The following POM121L2 variants were observed in gnomAD, a reference collection of about 807,000 sequenced individuals.
The protein encoded by POM121L2 is POM121-like protein 2.
For missense variants in POM121L2, 1,167 were observed against 1,260.3 expected (o/e 0.93, Z 1.12); for synonymous variants, 459 against 483.8 (o/e 0.95, Z 0.67).
chr6:27,309,565 A>T lies in POM121L2; in HGVS notation c.2606T>A (p.Ile869Asn). The change falls in exon 1 of 1, where the codon ATT becomes AAT. Residue 869 changes from isoleucine to asparagine, a missense_variant. Transcript: ENST00000444565. ...AAAAGCCCCACTTTGGTGGGTCTGA[A>T]TTACAATTCTAAACCCAGTTGTACT... ...QASTTGFRIV[I>N]QTHQSGAFGS... 6.4e-7 allele frequency: 1 copy of T among 1,551,974 alleles called. No homozygotes were observed. Among genetic ancestry groups the T allele is most frequent in the Non-Finnish European group, 8.7e-7 (1 of 1,147,076 alleles).
chr6:27,312,154 C>T lies in POM121L2; in HGVS notation c.17G>A (p.Ser6Asn), dbSNP rs140263614. The T allele has an allele frequency of 5.2e-5, 76 of 1,450,332 alleles. No individual in the cohort carries two copies. In the African/African-American group the frequency reaches 9.6e-4, roughly 18 times the overall value. 89.8% of individuals were successfully genotyped at this position (1,450,332 alleles called of 1,614,324 possible). Residue 6 changes from serine to asparagine, a missense_variant, in exon 1 of 1, where the codon AGC (serine) becomes AAC (asparagine). Physicochemically the swap from Ser to Asn is conservative, Grantham distance 46 (BLOSUM62 1). Transcript: ENST00000444565. The surrounding 1 kb of genome is among the most constrained non-coding windows in gnomAD (Gnocchi z 6.7). ...GGACGAGGGCGAAAGTTCCAGTTTG[C>T]TCAGGAAACTGCCCATGAGGAGAGA... MGSFL[S>N]KLELSPSSPA...
Position 27,311,839 on chromosome 6 carries a change from G to A in POM121L2, c.332C>T (p.Pro111Leu), listed in dbSNP as rs1470806381. The change falls in exon 1 of 1, where the codon CCC (proline) becomes CTC (leucine). Residue 111 changes from proline to leucine, a missense_variant. By Grantham distance (98) the Pro-to-Leu change is moderately conservative. Transcript: ENST00000444565. ...LKRTIWSLRH[P>L]RPIWSPVTIR... ...GGTCACTGGGCTCCAAATTGGCCTG[G>A]GATGTCGAAGAGACCAAATAGTCCG... 22 of 1,551,762 alleles carry A rather than the reference G, an allele frequency of 1.4e-5. 1 individual carries two copies. The South Asian group carries it at 2.5e-4, about 18-fold the overall frequency.
chr6:27,310,823 C>T lies in POM121L2; in HGVS notation c.1348G>A (p.Glu450Lys). The change falls in exon 1 of 1, where the codon GAG (glutamate) becomes AAG (lysine). Residue 450 changes from glutamate (E) to lysine (K), a missense_variant. By Grantham distance (56) the Glu-to-Lys change is moderately conservative (BLOSUM62 1). Transcript: ENST00000444565. ...TCTGGAGAGGTGCCTGGAAGGAGCT[C>T]TGACTGTGAGCACCCAGGTGGGGTC... is the stretch of plus-strand genomic sequence containing the variant. Reference protein sequence around the residue: ...LPTPPGCSQSELLPGTSPDSK... With the variant: ...LPTPPGCSQSKLLPGTSPDSK... 6.4e-7 allele frequency: 1 copy of T among 1,551,668 alleles called. No homozygotes were observed. Among genetic ancestry groups the T allele is most frequent in the Non-Finnish European group, 8.7e-7 (1 of 1,146,962 alleles).
rs61736094 is a variant in POM121L2 at position 27,311,242 on chromosome 6, C to A, written c.929G>T (p.Gly310Val). 1 of 1,551,822 alleles carries A rather than the reference C, an allele frequency of 6.4e-7. No individual in the cohort carries two copies. Among genetic ancestry groups the A allele is most frequent in the East Asian group, 2.4e-5 (1 of 40,920 alleles). Residue 310 changes from glycine to valine, a missense_variant, in exon 1 of 1, where the codon GGA becomes GTA. Transcript: ENST00000444565. The stretch of plus-strand genomic sequence containing the variant: ...GTTTTGCTGCCCAGAACTTTCAGAT[C>A]CTCCTAGGGACTCAAAATCTGATAC... Reference protein sequence around the residue: ...PLVSDFESLGGSESSGQQNQK... With the variant: ...PLVSDFESLGVSESSGQQNQK...
Position 27,311,342 on chromosome 6 carries a change from C to T in POM121L2, c.829G>A (p.Val277Ile). 6.4e-7 allele frequency: 1 copy of T among 1,551,676 alleles called. No homozygotes were observed. Among genetic ancestry groups the T allele is most frequent in the South Asian group, 1.2e-5 (1 of 84,066 alleles). The part of the protein sequence containing the change: ...SDPWKRSVPS[V>I]SFETPEWPIK... Reference sequence around the variant, plus strand: ...GGCCACTCTGGTGTCTCGAATGATACACTGGGAACACTTCTCTTCCAAGGG... The same window carrying T: ...GGCCACTCTGGTGTCTCGAATGATATACTGGGAACACTTCTCTTCCAAGGG... Residue 277 changes from valine (V) to isoleucine (I), a missense_variant, in exon 1 of 1, where the codon GTA becomes ATA. Physicochemically the swap from Val to Ile is conservative, Grantham distance 29 (BLOSUM62 3). Coordinates refer to ENST00000444565, the MANE Select transcript of POM121L2 (RefSeq NM_033482.4).
In POM121L2 at chr6:27,310,466, T is replaced by C. The variant is rs1244053723; in HGVS notation, c.1705A>G (p.Ile569Val). ...AAGGTAGGAGTTAAGGTACCCTGAA[T>C]TGTGGAAAGGGAAGAGATTGAAGAT... ...AASSISSLST[I>V]QGTLTPTFKP... Residue 569 changes from isoleucine (I) to valine (V), a missense_variant, in exon 1 of 1, where the codon ATT (isoleucine) becomes GTT (valine). Transcript: ENST00000444565. 1 of 1,552,214 alleles carries C rather than the reference T, an allele frequency of 6.4e-7. No homozygotes were observed. Among genetic ancestry groups the C allele is most frequent in the Non-Finnish European group, 8.7e-7 (1 of 1,147,102 alleles).
At chr6:27,310,833 G>T in intron 1 of POM121L2, 1 of 1,551,754 alleles carries the variant, frequency 6.4e-7, no homozygotes, top group Non-Finnish European at 8.7e-7. Context: ...CTGACTGTGA[G>T]CACCCAGGTG....
In POM121L2 at chr6:27,309,815, G is replaced by A. The variant is rs1199431400; in HGVS notation, c.2356C>T (p.Pro786Ser). ...CTTGGCATAAGGGCTGGCTGGGAAG[G>A]CCCTTGTTTCTGTCCATTTGTGGCA... ...FGATNGQKQG[P>S]SQPALMPSVS... The change falls in exon 1 of 1, where the codon CCT becomes TCT. Residue 786 changes from proline to serine, a missense_variant. Pro to Ser is a moderately conservative substitution (Grantham distance 74). Coordinates refer to ENST00000444565, the MANE Select transcript of POM121L2 (RefSeq NM_033482.4). 1 of 1,551,774 alleles carries A rather than the reference G, an allele frequency of 6.4e-7. No homozygotes were observed. Among genetic ancestry groups the A allele is most frequent in the South Asian group, 1.2e-5 (1 of 84,060 alleles).
chr6:27,309,309 G>A lies in POM121L2; in HGVS notation c.2862C>T (p.Ser954=), dbSNP rs1020415384. ...EGLPSHRTAF[S]LGRGSISARK... The stretch of plus-strand genomic sequence containing the variant: ...TTGCAGAAATGCTGCCTCTCCCCAA[G>A]GAAAAAGCTGTGCGGTGGCTGGGCA... The change falls in exon 1 of 1, where the codon TCC becomes TCT. Residue 954 remains serine, a synonymous_variant. Coordinates refer to ENST00000444565, the MANE Select transcript of POM121L2 (RefSeq NM_033482.4). The A allele has an allele frequency of 1.9e-5, 29 of 1,551,060 alleles. No individual in the cohort carries two copies. The African/African-American group carries it at 3.3e-4, about 18-fold the overall frequency.
At position 27,310,721 on chromosome 6, in the gene POM121L2, G is replaced by A. The variant is rs1760733595; in HGVS notation, c.1450C>T (p.Pro484Ser). ...GACCTGTCAGCCTGAGAGGTTGAAG[G>A]CGGCCAGGTGGTGTCAGTAACTGGT... The part of the protein sequence containing the change: ...TLPVTDTTWP[P>S]STSQADRSPM... The change falls in exon 1 of 1, where the codon CCT (proline) becomes TCT (serine). Residue 484 changes from proline (P) to serine (S), a missense_variant. Physicochemically the swap from Pro to Ser is moderately conservative, Grantham distance 74. Transcript: ENST00000444565. 6.4e-7 allele frequency: 1 copy of A among 1,551,940 alleles called. No homozygotes were observed. Among genetic ancestry groups the A allele is most frequent in the Non-Finnish European group, 8.7e-7 (1 of 1,147,060 alleles).
chr6:27,312,101 C>A, upstream of POM121L2: 1 of 1,476,912 alleles, frequency 6.8e-7, no homozygotes, highest in Non-Finnish European at 9.0e-7. This position sits in a 1 kb window ranked among gnomAD's most constrained non-coding sequence, Gnocchi z 6.7. Flanking sequence ...GTGGGCCTCT[C>A]GGGCAAGTCG....
Position 27,310,087 on chromosome 6 carries a change from G to A in POM121L2, c.2084C>T (p.Thr695Ile). The A allele has an allele frequency of 6.4e-7, 1 of 1,552,158 alleles. No homozygotes were observed. Among genetic ancestry groups the A allele is most frequent in the Non-Finnish European group, 8.7e-7 (1 of 1,147,090 alleles). The change falls in exon 1 of 1, where the codon ACT becomes ATT. Residue 695 changes from threonine to isoleucine, a missense_variant. Physicochemically the swap from Thr to Ile is moderately conservative, Grantham distance 89 (BLOSUM62 -1). Transcript: ENST00000444565. ...GGTAAACATGGTGACTGTATGCACA[G>A]TAGGAATTGTAGGATGGTGGTGTGG... is the stretch of plus-strand genomic sequence containing the variant. ...FPPHHHPTIP[T>I]VHTVTMFTQV...
rs1239863809 is a variant in POM121L2 at position 27,311,611 on chromosome 6, C to T, written c.560G>A (p.Arg187Lys). 1 of 1,551,630 alleles carries T rather than the reference C, an allele frequency of 6.4e-7. No homozygotes were observed. The highest frequency in any genetic ancestry group is 8.7e-7 in the Non-Finnish European group (1 of 1,147,006). Reference protein sequence around the residue: ...LFPESLDSKRRSPETRPSAFK... With the variant: ...LFPESLDSKRKSPETRPSAFK... ...TGCCGATGGTCTGGTCTCTGGACTC[C>T]TTCTCTTACTGTCCAGACTCTCAGG... Residue 187 changes from arginine to lysine, a missense_variant, in exon 1 of 1, where the codon AGG becomes AAG. Physicochemically the swap from Arg to Lys is conservative, Grantham distance 26. Transcript: ENST00000444565.
Position 27,312,164 on chromosome 6 carries a change from T to C in POM121L2, c.7A>G (p.Ser3Gly). The change falls in exon 1 of 1, where the codon AGT (serine) becomes GGT (glycine). Residue 3 changes from serine to glycine, a missense_variant. Transcript: ENST00000444565. This position sits in a 1 kb window ranked among gnomAD's most constrained non-coding sequence, Gnocchi z 6.7. The part of the protein sequence containing the change: MG[S>G]FLSKLELSPS... ...GAAAGTTCCAGTTTGCTCAGGAAAC[T>C]GCCCATGAGGAGAGATGAGGCGCGG... The C allele has an allele frequency of 6.9e-7, 1 of 1,447,502 alleles. No individual in the cohort carries two copies. The highest frequency in any genetic ancestry group is 9.1e-7 in the Non-Finnish European group (1 of 1,100,434). The allele number at this position is 1,447,502 out of a possible 1,614,324, so 89.7% of individuals were successfully genotyped here.
Position 27,312,039 on chromosome 6 carries a change from G to A in POM121L2, c.132C>T (p.Val44=). The A allele has an allele frequency of 1.3e-6, 2 of 1,530,272 alleles. No homozygotes were observed. The highest frequency in any genetic ancestry group is 1.8e-6 in the Non-Finnish European group (2 of 1,134,546). The allele number at this position is 1,530,272 out of a possible 1,614,324, so 94.8% of individuals were successfully genotyped here. A position where few individuals can be genotyped will look rare whatever the true frequency, so the allele number is the denominator to read the frequency against. Residue 44 remains valine, a synonymous_variant, in exon 1 of 1, where the codon GTC becomes GTT. Coordinates refer to ENST00000444565, the MANE Select transcript of POM121L2 (RefSeq NM_033482.4). The surrounding 1 kb of genome is among the most constrained non-coding windows in gnomAD (Gnocchi z 6.7). ...PLHQVHRVQF[V]HRAHPAPRYR... ...ACCGTGGGGCAGGGTGGGCGCGGTG[G>A]ACGAACTGAACCCGATGAACTTGGT...
In POM121L2 at chr6:27,311,321, A is replaced by G; in HGVS notation, c.850T>C (p.Trp284Arg). The G allele has an allele frequency of 6.4e-7, 1 of 1,551,614 alleles. No homozygotes were observed. Among genetic ancestry groups the G allele is most frequent in the South Asian group, 1.2e-5 (1 of 84,060 alleles). The change falls in exon 1 of 1, where the codon TGG becomes CGG. Residue 284 changes from tryptophan (W) to arginine (R), a missense_variant. Transcript: ENST00000444565. ...VPSVSFETPE[W>R]PIKKEKSCHR... Reference sequence around the variant, plus strand: ...CAACTTTTTTCCTTTTTTATTGGCCACTCTGGTGTCTCGAATGATACACTG... The same window carrying G: ...CAACTTTTTTCCTTTTTTATTGGCCGCTCTGGTGTCTCGAATGATACACTG...
rs1207403286 is a variant in POM121L2, at chr6:27,311,208, A to G, written c.963T>C (p.Ile321=). The G allele has an allele frequency of 5.2e-6, 8 of 1,551,824 alleles. No individual in the cohort carries two copies. The highest frequency in any genetic ancestry group is 7.0e-6 in the Non-Finnish European group (8 of 1,147,066). ...SESSGQQNQK[I]PQLPSSPENL... ...TCTCAGGGCTAGACGGCAGCTGTGG[A>G]ATCTTCTGGTTTTGCTGCCCAGAAC... The change falls in exon 1 of 1, where the codon ATT becomes ATC. Residue 321 remains isoleucine, a synonymous_variant. Coordinates refer to ENST00000444565, the MANE Select transcript of POM121L2 (RefSeq NM_033482.4).
chr6:27,310,835 A>T lies in POM121L2; in HGVS notation c.1336T>A (p.Cys446Ser). 6.4e-7 allele frequency: 1 copy of T among 1,551,646 alleles called. No individual in the cohort carries two copies. The part of the protein sequence containing the change: ...KTPSLPTPPG[C>S]SQSELLPGTS... ...CCTGGAAGGAGCTCTGACTGTGAGC[A>T]CCCAGGTGGGGTCGGTAGGCTGGGT... The change falls in exon 1 of 1, where the codon TGC becomes AGC. Residue 446 changes from cysteine (C) to serine (S), a missense_variant. Cys to Ser is a moderately radical substitution (Grantham distance 112, BLOSUM62 -1). Coordinates refer to ENST00000444565, the MANE Select transcript of POM121L2 (RefSeq NM_033482.4).
Position 27,310,456 on chromosome 6 carries a change from G to T in POM121L2, c.1715C>A (p.Thr572Asn). The change falls in exon 1 of 1, where the codon ACC becomes AAC. Residue 572 changes from threonine to asparagine, a missense_variant. Coordinates refer to ENST00000444565, the MANE Select transcript of POM121L2 (RefSeq NM_033482.4). ...SISSLSTIQG[T>N]LTPTFKPIFG... ...GATAGGCTTGAAGGTAGGAGTTAAG[G>T]TACCCTGAATTGTGGAAAGGGAAGA... 6.4e-7 allele frequency: 1 copy of T among 1,552,276 alleles called. No individual in the cohort carries two copies. The highest frequency in any genetic ancestry group is 8.7e-7 in the Non-Finnish European group (1 of 1,147,130).
Sources: allele counts gnomAD v4.1 joint callset, GRCh38; gene constraint gnomAD v4.1.1; non-coding constraint Gnocchi (gnomAD v3.1); transcripts MANE v1.5; gene names NCBI Gene and HGNC (gene_info 2026-07-23, HGNC 2026-07-21).